The following STK17B variants were observed in gnomAD, a reference collection of about 807,000 sequenced individuals.
STK17B encodes serine/threonine kinase 17b, also known as serine/threonine-protein kinase 17B.
In STK17B, 21 loss-of-function variants were observed where a neutral mutation model predicts 42.0. That is an observed-to-expected ratio of 0.50 (90% CI 0.35 to 0.72). The LOEUF (loss-of-function observed/expected upper bound fraction) is 0.72. Ranked by LOEUF, STK17B falls within the 30% of genes least tolerant of loss-of-function variation. The pLI, the probability that STK17B is intolerant of heterozygous loss-of-function variation, is 0.00. For synonymous variants in STK17B, 143 were observed against 148.4 expected (o/e 0.96, Z 0.26); for missense variants, 349 against 446.0 (o/e 0.78, Z 1.96).
chr2:196,173,054 CT>C (rs574821444), upstream of STK17B, among the ~76,000 whole-genome samples: 455 of 152,232 alleles, frequency 3.0e-3, 4 homozygotes, highest in Non-Finnish European at 5.4e-3. Context: ...CAATTGCCAG[CT>C]TTTAGCAATC....
upstream of STK17B, among the ~76,000 whole-genome samples, chr2:196,171,736 A>G (rs1225045027): frequency 7.0e-6 from 1 of 142,404 alleles, no homozygotes; most frequent in East Asian, 2.0e-4. Flanking sequence ...CCCGGCGGTG[A>G]GAGGGTGCGG....
intron 4 of STK17B, among the ~76,000 whole-genome samples, chr2:196,143,965 GT>G (rs1699530122): frequency 6.6e-6 from 1 of 152,136 alleles, no homozygotes; most frequent in African/African-American, 2.4e-5. Flanking sequence ...GCCTCATTCT[GT>G]CAATAAGAAA....
At chr2:196,141,375 T>C in intron 5 of STK17B, 78 bp from the exon 6 acceptor site, 1 of 1,204,784 alleles carries the variant, frequency 8.3e-7, no homozygotes, top group Non-Finnish European at 1.2e-6. Context: ...ACGTTATAAC[T>C]GGGACTGGGC....
intron 3 of STK17B, chr2:196,152,966 T>C (rs1699686878): frequency 6.6e-6 from 1 of 152,050 alleles, no homozygotes; most frequent in South Asian, 2.1e-4. Flanking sequence ...TTTTAATATA[T>C]GGAGATGAGG....
chr2:196,168,007 ATTGAT>A (rs1301920605), intron 1 of STK17B, among the ~76,000 whole-genome samples: 1 of 152,226 alleles, frequency 6.6e-6, no homozygotes, highest in Non-Finnish European at 1.5e-5. Context: ...TTAATTAGTC[ATTGAT>A]TAGAAGTATT....
chr2:196,147,647 G>C (rs1335673655), intron 3 of STK17B, among the ~76,000 whole-genome samples: 1 of 151,956 alleles, frequency 6.6e-6, no homozygotes, highest in Non-Finnish European at 1.5e-5. Flanking sequence ...AGCTTATAAG[G>C]AATACACGTG....
At chr2:196,175,487 A>T (rs1039653018), upstream of STK17B, among the ~76,000 whole-genome samples, 1 of 152,146 alleles carries the variant, frequency 6.6e-6, no homozygotes, top group African/African-American at 2.4e-5. Flanking sequence ...TTAGCCAGGC[A>T]TGGTGGCAGG....
At chr2:196,158,724 T>G (rs954530666) in intron 2 of STK17B, among the ~76,000 whole-genome samples, 1 of 120,728 alleles carries the variant, frequency 8.3e-6, no homozygotes, top group Admixed American at 9.2e-5. Context: ...TAAAATAGTT[T>G]TGTTGGGCCA....
chr2:196,147,579 G>C (rs1699594744), intron 3 of STK17B, among the ~76,000 whole-genome samples: 1 of 152,080 alleles, frequency 6.6e-6, no homozygotes, highest in African/African-American at 2.4e-5. Context: ...CCAGTTAGAA[G>C]CCGCAAACAT....
intron 2 of STK17B, among the ~76,000 whole-genome samples, chr2:196,157,499 A>AAATTGTT (rs1699755277): frequency 6.6e-6 from 1 of 152,216 alleles, no homozygotes; most frequent in Non-Finnish European, 1.5e-5. Flanking sequence ...AATTTTTACC[A>AAATTGTT]CCTTTGAAAC....
In STK17B at chr2:196,159,340, C is replaced by T. The variant is rs75888664; in HGVS notation, c.123-2689G>A. Among the ~76,000 whole-genome samples, 2,676 of 144,474 alleles carry T rather than the reference C, an allele frequency of 0.019. 217 individuals carry two copies. In the East Asian group the frequency reaches 0.27, roughly 15 times the overall value. 94.8% of individuals were successfully genotyped at this position (144,474 alleles called of 152,430 possible). A position where few individuals can be genotyped will look rare whatever the true frequency, so the allele number is the denominator to read the frequency against. On this transcript the variant is annotated intron_variant, in intron 2 of 7. Coordinates refer to ENST00000263955, the MANE Select transcript of STK17B (RefSeq NM_004226.4). ...TTTTTTTTTTTTTGAGACAGGGTCT[C>T]GACTCTATCACCCAGGATGGAGTGC...
chr2:196,148,851 A>G (rs568702476), intron 3 of STK17B, among the ~76,000 whole-genome samples: 1 of 152,244 alleles, frequency 6.6e-6, no homozygotes, highest in Non-Finnish European at 1.5e-5. Flanking sequence ...AAGTATGGAA[A>G]GCAATTCCCA....
At chr2:196,152,319 G>A (rs1212219981) in intron 3 of STK17B, among the ~76,000 whole-genome samples, 1 of 152,014 alleles carries the variant, frequency 6.6e-6, no homozygotes, top group Non-Finnish European at 1.5e-5. Flanking sequence ...CTGTTAGCCA[G>A]AATAGTCTCC....
In STK17B at chr2:196,156,556, C is replaced by A. The variant is rs1699741276; in HGVS notation, c.218G>T (p.Cys73Phe). 4 of 1,614,110 alleles carry A rather than the reference C, an allele frequency of 2.5e-6. No homozygotes were observed. The highest frequency in any genetic ancestry group is 3.4e-6 in the Non-Finnish European group (4 of 1,179,996). The change falls in exon 3 of 8, where the codon TGT (cysteine) becomes TTT (phenylalanine). Residue 73 changes from cysteine (C) to phenylalanine (F), a missense_variant. Transcript: ENST00000263955. The part of the protein sequence containing the change: ...FLKKRRRGQD[C>F]RAEILHEIAV... ...AATCTCGTGTAAAATTTCTGCTCGA[C>A]AATCCTGTCCTCTTCTTCTCTTTTT...
At chr2:196,145,689 T>A (rs1275268618) in intron 4 of STK17B, among the ~76,000 whole-genome samples, 1 of 152,180 alleles carries the variant, frequency 6.6e-6, no homozygotes, top group African/African-American at 2.4e-5. Flanking sequence ...AATGATGCAT[T>A]TTAAGAGCCC....
chr2:196,146,727 TTATATA>T (rs550347865), intron 3 of STK17B, among the ~76,000 whole-genome samples: 1 of 151,948 alleles, frequency 6.6e-6, no homozygotes, highest in African/African-American at 2.4e-5. Context: ...ATATGAATTC[TTATATA>T]TATATCATCT....
At position 196,135,731 on chromosome 2, in the gene STK17B, T is replaced by C. The variant is rs7559080; in HGVS notation, c.*1716A>G. The C allele has an allele frequency of 0.65, 93,541 of 143,802 alleles. 30,232 individuals are homozygous for C. The highest frequency in any genetic ancestry group is 0.9 in the East Asian group (4,410 of 4,882). The allele number at this position is 143,802 out of a possible 1,614,324, so 8.9% of individuals were successfully genotyped here. A position where few individuals can be genotyped will look rare whatever the true frequency, so the allele number is the denominator to read the frequency against. Reference sequence around the variant, plus strand: ...AGGCAGAGGTTGCCGTGAGCTGAGATCATGCCACTGCACTCCAGCCTGAGA... The same window carrying C: ...AGGCAGAGGTTGCCGTGAGCTGAGACCATGCCACTGCACTCCAGCCTGAGA... On this transcript the variant is annotated 3_prime_UTR_variant, in exon 8 of 8. Transcript: ENST00000263955.
chr2:196,145,058 CTG>C (rs999965613), intron 4 of STK17B, among the ~76,000 whole-genome samples: 6 of 151,114 alleles, frequency 4.0e-5, no homozygotes, highest in Non-Finnish European at 8.8e-5. Flanking sequence ...TTGGCATTTA[CTG>C]TGTTGCTTCT....
chr2:196,141,333 C>A, intron 5 of STK17B, 36 bp from the exon 6 acceptor site: 1 of 1,529,778 alleles, frequency 6.5e-7, no homozygotes, highest in Non-Finnish European at 9.0e-7. Flanking sequence ...TCAATATTGA[C>A]AAATTTTAAA....
Sources: gnomAD v4.1 joint callset for allele counts (sites outside exome capture counted in the v4.1 genomes callset) on GRCh38, gnomAD v4.1.1 for gene constraint, MANE v1.5 for transcripts, NCBI Gene and HGNC (gene_info 2026-07-23, HGNC 2026-07-21) for gene names.